Variants in CSMD1 observed in about 807,000 individuals in gnomAD.
CSMD1 encodes CUB and sushi domain-containing protein 1.
A neutral mutation model predicts 417.5 loss-of-function variants in CSMD1; 213 were observed. That is an observed-to-expected ratio of 0.51 (90% confidence interval 0.46 to 0.57). CSMD1 has a LOEUF of 0.57. Among genes scored for constraint, CSMD1 ranks in the 20% least tolerant of loss-of-function variants. CSMD1 has a pLI of 0.00. For missense variants in CSMD1, 6,923 were observed against 4,529.7 expected (o/e 1.53, Z -15.17); for synonymous variants, 2,862 against 1,736.8 (o/e 1.65, Z -16.11).
At chr8:4,237,648 T>C (rs73186175) in intron 3 of CSMD1, among the ~76,000 whole-genome samples, 6,214 of 152,166 alleles carry the variant, frequency 0.041, 148 homozygotes, top group East Asian at 0.088. Flanking sequence ...TTCTAGTAGC[T>C]GAGACTGGAG....
At chr8:3,902,610 C>G (rs560608617) in intron 5 of CSMD1, among the ~76,000 whole-genome samples, 2 of 152,152 alleles carry the variant, frequency 1.3e-5, no homozygotes, top group East Asian at 3.9e-4. Context: ...TCTAATGTCG[C>G]CGCCGATCTG....
intron 6 of CSMD1, among the ~76,000 whole-genome samples, chr8:3,719,847 G>A (rs776270404): frequency 5.9e-5 from 9 of 152,142 alleles, no homozygotes; most frequent in African/African-American, 9.7e-5. Flanking sequence ...GGATTTTGAA[G>A]TTAGTTGTAA....
chr8:4,398,797 G>C (rs1804446850), intron 3 of CSMD1, among the ~76,000 whole-genome samples: 1 of 152,146 alleles, frequency 6.6e-6, no homozygotes, highest in South Asian at 2.1e-4. Context: ...TTTCACCTAT[G>C]AATGACCCTA....
intron 1 of CSMD1, among the ~76,000 whole-genome samples, chr8:4,967,301 T>C (rs1809932815): frequency 6.6e-6 from 1 of 152,200 alleles, no homozygotes; most frequent in Non-Finnish European, 1.5e-5. Flanking sequence ...TTCAGGCATT[T>C]TAAGTTGTCC....
intron 3 of CSMD1, among the ~76,000 whole-genome samples, chr8:4,320,843 G>A (rs570978797): frequency 7.2e-5 from 11 of 152,146 alleles, no homozygotes; most frequent in South Asian, 2.1e-4. Context: ...ATAACCCAAA[G>A]GATTATAAAT....
chr8:4,165,535 G>T (rs371494322), intron 3 of CSMD1, among the ~76,000 whole-genome samples: 24 of 152,242 alleles, frequency 1.6e-4, no homozygotes, highest in African/African-American at 5.1e-4. Flanking sequence ...TGCCAAGTAG[G>T]TGGGACCTCC....
chr8:4,023,626 G>C (rs1269206835), intron 4 of CSMD1, among the ~76,000 whole-genome samples: 1 of 140,854 alleles, frequency 7.1e-6, no homozygotes, highest in Non-Finnish European at 1.5e-5. Context: ...TCGCTCTGTC[G>C]CCCAGGCTAG....
At chr8:3,802,433 A>AT (rs1429192699) in intron 5 of CSMD1, among the ~76,000 whole-genome samples, 1 of 152,112 alleles carries the variant, frequency 6.6e-6, no homozygotes, top group Non-Finnish European at 1.5e-5. Flanking sequence ...TTCTTTAGAC[A>AT]TTTTTTTCTT....
chr8:4,156,354 G>C (rs1373587645), intron 3 of CSMD1, among the ~76,000 whole-genome samples: 2 of 152,104 alleles, frequency 1.3e-5, no homozygotes, highest in Non-Finnish European at 2.9e-5. Flanking sequence ...CTCTGGTTTT[G>C]ATAAAACTTA....
In CSMD1 at chr8:3,382,581, G is replaced by C. The variant is rs540695393; in HGVS notation, c.2782+4913C>G. 8.4e-3 allele frequency among the ~76,000 whole-genome samples: 816 copies of C among 97,634 alleles called. 6 individuals are homozygous for C. The highest frequency in any genetic ancestry group is 0.013 in the Non-Finnish European group (608 of 45,732). The allele number at this position is 97,634 out of a possible 152,430, so 64.1% of individuals were successfully genotyped here. A position where few individuals can be genotyped will look rare whatever the true frequency, so the allele number is the denominator to read the frequency against. Reference sequence around the variant, plus strand: ...TCTTTCTCTATATATATCTATAATAGATATATAAATATCTCTATATAATAT... The same window carrying C: ...TCTTTCTCTATATATATCTATAATACATATATAAATATCTCTATATAATAT... On this transcript the variant is annotated intron_variant, in intron 18 of 69. Transcript: ENST00000635120.
chr8:3,695,894 T>G (rs1231557948), intron 7 of CSMD1, among the ~76,000 whole-genome samples: 2 of 152,216 alleles, frequency 1.3e-5, no homozygotes, highest in Non-Finnish European at 2.9e-5. Context: ...ATTGTACTCA[T>G]TTGATATCTT....
At chr8:4,373,647 T>C (rs1368109470) in intron 3 of CSMD1, among the ~76,000 whole-genome samples, 2 of 152,290 alleles carry the variant, frequency 1.3e-5, no homozygotes, top group Admixed American at 1.3e-4. Context: ...AAAAATATTA[T>C]GGAAGTTATG....
intron 5 of CSMD1, among the ~76,000 whole-genome samples, chr8:3,880,343 T>G (rs766550263): frequency 6.6e-6 from 1 of 152,224 alleles, no homozygotes; most frequent in Non-Finnish European, 1.5e-5. Flanking sequence ...TCGTTGTTCT[T>G]TATTGTTAAT....
At chr8:4,987,024 C>T (rs1363133012) in intron 1 of CSMD1, among the ~76,000 whole-genome samples, 1 of 152,070 alleles carries the variant, frequency 6.6e-6, no homozygotes, top group African/African-American at 2.4e-5. Flanking sequence ...TCAGGTATTA[C>T]ACATATACAG....
intron 12 of CSMD1, among the ~76,000 whole-genome samples, chr8:3,466,571 C>G (rs996960387): frequency 8.9e-5 from 13 of 145,276 alleles, no homozygotes; most frequent in South Asian, 4.4e-4. Flanking sequence ...CCTCCACAAT[C>G]AGCTAATTTT....
At chr8:2,963,507 T>G (rs1803684864) in intron 59 of CSMD1, 112 bp from the exon 60 acceptor site, 2 of 1,019,992 alleles carry the variant, frequency 2.0e-6, no homozygotes, top group Admixed American at 4.6e-5. Flanking sequence ...TCTACATAGG[T>G]TTTTAAAAAA....
intron 3 of CSMD1, among the ~76,000 whole-genome samples, chr8:4,250,674 TTA>T (rs1803006109): frequency 1.3e-5 from 2 of 152,126 alleles, no homozygotes; most frequent in Non-Finnish European, 2.9e-5. Flanking sequence ...AGTTATAATT[TTA>T]TGTCTCAGCA....
At chr8:4,335,725 G>A (rs1472820805) in intron 3 of CSMD1, among the ~76,000 whole-genome samples, 2 of 152,078 alleles carry the variant, frequency 1.3e-5, no homozygotes, top group African/African-American at 2.4e-5. Context: ...AACAAATAGT[G>A]TACCTTAATA....
chr8:3,182,842 G>GGGTA (rs61154223), intron 36 of CSMD1: 1 of 30,646 alleles, frequency 3.3e-5, no homozygotes, highest in Middle Eastern at 0.014. Flanking sequence ...TTATAAGAAG[G>GGGTA]TGTGTGTGTG....
Sources: allele counts gnomAD v4.1 joint callset (sites outside exome capture counted in the v4.1 genomes callset), GRCh38; gene constraint gnomAD v4.1.1; transcripts MANE v1.5; gene names NCBI Gene and HGNC (gene_info 2026-07-23, HGNC 2026-07-21).